The following TARS1 variants were observed in gnomAD, a reference collection of about 807,000 sequenced individuals.
The protein encoded by TARS1 is threonyl-tRNA synthetase 1, also known as threonine--tRNA ligase 1, cytoplasmic.
Under a neutral mutation model 97.7 loss-of-function variants are expected in TARS1, and 57 were observed. That is an observed-to-expected ratio of 0.58 (90% confidence interval 0.47 to 0.73). TARS1 has a LOEUF of 0.73. Ranked by LOEUF, TARS1 falls within the 30% of genes least tolerant of loss-of-function variation. TARS1 has a pLI of 0.00. For missense variants in TARS1, 806 were observed against 888.3 expected (o/e 0.91, Z 1.18); for synonymous variants, 312 against 293.7 (o/e 1.06, Z -0.64).
intron 10 of TARS1, among the ~76,000 whole-genome samples, chr5:33,459,282 T>G (rs1742178273): frequency 1.3e-5 from 2 of 152,168 alleles, no homozygotes; most frequent in Non-Finnish European, 2.9e-5. Context: ...AGCCCATGTA[T>G]TTGTACCCTT....
At chr5:33,451,269 CTATT>C (rs1741717722) in intron 3 of TARS1, among the ~76,000 whole-genome samples, 1 of 151,810 alleles carries the variant, frequency 6.6e-6, no homozygotes, top group African/African-American at 2.4e-5. Flanking sequence ...TGATAACAGG[CTATT>C]TAAAGATTCA....
intron 1 of TARS1, among the ~76,000 whole-genome samples, chr5:33,442,729 C>T (rs553775979): frequency 6.6e-6 from 1 of 151,502 alleles, no homozygotes; most frequent in African/African-American, 2.4e-5. Context: ...TGGTCTCGAT[C>T]TCCTGACCTC....
intron 10 of TARS1, 118 bp downstream of exon 10, chr5:33,458,782 T>A: frequency 1.2e-6 from 1 of 825,382 alleles, no homozygotes; most frequent in Non-Finnish European, 1.8e-6. Flanking sequence ...AGACGATAAG[T>A]AAAAGTAGAA....
rs577927155 is a variant in TARS1 at position 33,453,634 on chromosome 5, C to G, written c.453+222C>G. Among the ~76,000 whole-genome samples the G allele has an allele frequency of 9.9e-5, 15 of 151,682 alleles. 1 individual carries two copies. The highest frequency in any genetic ancestry group is 3.4e-4 in the African/African-American group (14 of 41,310). On this transcript the variant is annotated intron_variant, in intron 4 of 18. Transcript: ENST00000265112. ...TAAGTCTTTTCATTACTAGACACTT[C>G]AATAGGGAAAATGTTTTGGGAATTG...
chr5:33,456,447 T>G (rs992349408), intron 8 of TARS1, among the ~76,000 whole-genome samples: 1 of 152,218 alleles, frequency 6.6e-6, no homozygotes, highest in Admixed American at 6.5e-5. Context: ...TCACAGGGGA[T>G]GGAGATTTTA....
At position 33,462,145 on chromosome 5, in the gene TARS1, A is replaced by G; in HGVS notation, c.1777A>G (p.Ile593Val). Residue 593 changes from isoleucine to valine, a missense_variant, in exon 16 of 19, where the codon ATC (isoleucine) becomes GTC (valine). Physicochemically the swap from Ile to Val is conservative, Grantham distance 29. Transcript: ENST00000265112. ...AAGGCCAGTGATTGTTCATCGAGCC[A>G]TCTTGGGATCAGTGGAAAGAATGAT... ...KKRPVIVHRA[I>V]LGSVERMIAI... 2 of 1,613,266 alleles carry G rather than the reference A, an allele frequency of 1.2e-6. No homozygotes were observed. Among genetic ancestry groups the G allele is most frequent in the Non-Finnish European group, 1.7e-6 (2 of 1,179,896 alleles).
Position 33,467,564 on chromosome 5 carries a change from T to C in TARS1, c.2028T>C (p.Val676=), listed in dbSNP as rs1742590233. 6.2e-7 allele frequency: 1 copy of C among 1,609,626 alleles called. No individual in the cohort carries two copies. Among genetic ancestry groups the C allele is most frequent in the Admixed American group, 1.7e-5 (1 of 58,928 alleles). The change falls in exon 19 of 19, where the codon GTT becomes GTC. Residue 676 remains valine (V), a synonymous_variant. Transcript: ENST00000265112. The part of the protein sequence containing the change: ...QLAQYNFILV[V]GEKEKISGTV... ...AGCTTTGTGTGTTTGTTTTAGTTGT[T>C]GGTGAAAAAGAGAAAATCAGTGGCA...
At chr5:33,446,659 G>T (rs972086179) in intron 2 of TARS1, 1 of 1,288,396 alleles carries the variant, frequency 7.8e-7, no homozygotes, top group Admixed American at 2.3e-5. Flanking sequence ...GACACAGAGG[G>T]TATCTGCTGA....
rs1422382105 is a variant in TARS1 at position 33,467,627 on chromosome 5, G to A, written c.2091G>A (p.Gly697=). 9 of 1,613,960 alleles carry A rather than the reference G, an allele frequency of 5.6e-6. No individual in the cohort carries two copies. The highest frequency in any genetic ancestry group is 7.6e-6 in the Non-Finnish European group (9 of 1,179,942). ...NIRTRDNKVH[G]ERTISETIER... is the part of the protein sequence containing the mutation. ...GCACAAGAGACAATAAGGTCCACGG[G>A]GAACGCACCATTTCTGAAACTATCG... The change falls in exon 19 of 19, where the codon GGG becomes GGA. Residue 697 remains glycine, a synonymous_variant. Coordinates refer to ENST00000265112, the MANE Select transcript of TARS1 (RefSeq NM_152295.5).
At position 33,466,949 on chromosome 5, in the gene TARS1, C is replaced by G. The variant is rs761615950; in HGVS notation, c.1987C>G (p.Arg663Gly). 5 of 1,605,426 alleles carry G rather than the reference C, an allele frequency of 3.1e-6. No homozygotes were observed. Among genetic ancestry groups the G allele is most frequent in the Non-Finnish European group, 3.4e-6 (4 of 1,176,236 alleles). Reference sequence around the variant, plus strand: ...AGGCTGTACATTGAATAAAAAGATTCGAAATGCACAGTTAGCACAGTATAA... The same window carrying G: ...AGGCTGTACATTGAATAAAAAGATTGGAAATGCACAGTTAGCACAGTATAA... ...DPGCTLNKKI[R>G]NAQLAQYNFI... The change falls in exon 18 of 19, where the codon CGA becomes GGA. Residue 663 changes from arginine (R) to glycine (G), a missense_variant. Physicochemically the swap from Arg to Gly is moderately radical, Grantham distance 125 (BLOSUM62 -2). Transcript: ENST00000265112.
intron 6 of TARS1, 119 bp downstream of exon 6, chr5:33,455,823 TTAAG>T (rs1184464512): frequency 3.0e-6 from 3 of 990,522 alleles, no homozygotes; most frequent in South Asian, 1.7e-5. Flanking sequence ...TTAGCAAAAA[TTAAG>T]TGTTTTTATT....
intron 2 of TARS1, 37 bp downstream of exon 2, chr5:33,445,441 G>C (rs1352219734): frequency 1.3e-6 from 2 of 1,588,058 alleles, no homozygotes; most frequent in South Asian, 2.2e-5. Context: ...TGTTATCAGA[G>C]GTTGGCAAAT....
chr5:33,454,555 G>A (rs928133558), intron 4 of TARS1, among the ~76,000 whole-genome samples: 8 of 152,208 alleles, frequency 5.3e-5, no homozygotes, highest in African/African-American at 1.9e-4. Context: ...CTAAAGGCCA[G>A]ATCACAGTGT....
chr5:33,448,591 A>T lies in TARS1; in HGVS notation c.189A>T (p.Ile63=). The change falls in exon 3 of 19, where the codon ATA becomes ATT. Residue 63 remains isoleucine, a synonymous_variant. Coordinates refer to ENST00000265112, the MANE Select transcript of TARS1 (RefSeq NM_152295.5). ...YIYTRLEMYN[I]LKAEHDSILA... ...ACACACGTCTTGAGATGTATAATATACTAAAAGCAGAACATGATTCCATTC... is the reference window on the plus strand; with the variant it reads ...ACACACGTCTTGAGATGTATAATATTCTAAAAGCAGAACATGATTCCATTC... The T allele has an allele frequency of 6.2e-7, 1 of 1,613,498 alleles. No individual in the cohort carries two copies. Among genetic ancestry groups the T allele is most frequent in the Non-Finnish European group, 8.5e-7 (1 of 1,179,708 alleles).
chr5:33,454,853 A>T lies in TARS1; in HGVS notation c.454-92A>T, dbSNP rs1741931787. 4 of 1,471,138 alleles carry T rather than the reference A, an allele frequency of 2.7e-6. No homozygotes were observed. The Admixed American group carries it at 6.7e-5, about 25-fold the overall frequency. 91.1% of individuals were successfully genotyped at this position (1,471,138 alleles called of 1,614,324 possible). A position where few individuals can be genotyped will look rare whatever the true frequency, so the allele number is the denominator to read the frequency against. ...TTTATATATTGGGTTTACTTGTAGT[A>T]AATATTATCATCTGTCTCTTTCAGA... On this transcript the variant is annotated intron_variant, in intron 4 of 18. Coordinates refer to ENST00000265112, the MANE Select transcript of TARS1 (RefSeq NM_152295.5).
chr5:33,464,550 A>G (rs1277390897), intron 17 of TARS1, among the ~76,000 whole-genome samples: 3 of 152,258 alleles, frequency 2.0e-5, no homozygotes, highest in African/African-American at 4.8e-5. Context: ...TGAGTGAACA[A>G]TACTGTAACA....
chr5:33,465,485 C>T lies in TARS1; in HGVS notation c.1909-1386C>T, dbSNP rs1016055111. ...CCCAACTGCAGAATTGCCCATCTCA[C>T]GTGCACACACAGGACCCATGTTGAG... On this transcript the variant is annotated intron_variant, in intron 17 of 18. Coordinates refer to ENST00000265112, the MANE Select transcript of TARS1 (RefSeq NM_152295.5). Among the ~76,000 whole-genome samples, 6 of 152,188 alleles carry T rather than the reference C, an allele frequency of 3.9e-5. No individual in the cohort carries two copies. The East Asian group carries it at 5.8e-4, about 15-fold the overall frequency.
chr5:33,465,686 T>A (rs1742497548), intron 17 of TARS1, among the ~76,000 whole-genome samples: 3 of 152,214 alleles, frequency 2.0e-5, no homozygotes, highest in Non-Finnish European at 2.9e-5. Flanking sequence ...ATGCTAAGAC[T>A]TGTGCACAGT....
chr5:33,454,287 A>C (rs1741906391), intron 4 of TARS1, among the ~76,000 whole-genome samples: 1 of 152,154 alleles, frequency 6.6e-6, no homozygotes, highest in South Asian at 2.1e-4. Context: ...TGGTTTTCAA[A>C]TGTATTTTGG....
Sources: gnomAD v4.1 joint callset for allele counts (sites outside exome capture counted in the v4.1 genomes callset) on GRCh38, gnomAD v4.1.1 for gene constraint, MANE v1.5 for transcripts, NCBI Gene and HGNC (gene_info 2026-07-23, HGNC 2026-07-21) for gene names.